ZC3H14: variants seen among roughly 807,000 people sequenced by gnomAD.
The protein encoded by ZC3H14 is zinc finger CCCH-type containing 14, also known as zinc finger CCCH domain-containing protein 14.
Under a neutral mutation model 92.4 loss-of-function variants are expected in ZC3H14, and 31 were observed. The ratio of observed to expected loss-of-function variants is 0.34; its 90% confidence interval spans 0.25 to 0.45. ZC3H14 has a LOEUF of 0.45. Among genes scored for constraint, ZC3H14 ranks in the 20% least tolerant of loss-of-function variants. The probability of loss-of-function intolerance (pLI) is 1.00; values close to 1 mark genes in which losing one functional copy is unlikely to be tolerated. For synonymous variants in ZC3H14, 321 were observed against 300.9 expected (o/e 1.07, Z -0.69); for missense variants, 781 against 897.3 (o/e 0.87, Z 1.66).
At position 88,626,814 on chromosome 14, in the gene ZC3H14, C is replaced by G; in HGVS notation, c.*15063C>G. 1 of 1,611,508 alleles carries G rather than the reference C, an allele frequency of 6.2e-7. No homozygotes were observed. The highest frequency in any genetic ancestry group is 1.1e-5 in the South Asian group (1 of 90,950). On this transcript the variant is annotated 3_prime_UTR_variant, in exon 17 of 17. Coordinates refer to ENST00000251038, the MANE Select transcript of ZC3H14 (RefSeq NM_024824.5). ...AGAATGTAAAGTAGTCAAAGTCACACTATGTGCATTTTAAGAGACATACTG... is the reference window on the plus strand; with the variant it reads ...AGAATGTAAAGTAGTCAAAGTCACAGTATGTGCATTTTAAGAGACATACTG...
intron 12 of ZC3H14, among the ~76,000 whole-genome samples, chr14:88,603,982 G>A (rs1165210750): frequency 1.3e-5 from 2 of 152,170 alleles, no homozygotes; most frequent in African/African-American, 4.8e-5. Flanking sequence ...TCGTGGTTTT[G>A]ATTAGTGGAG....
At chr14:88,577,638 C>T (rs1173681170) in intron 8 of ZC3H14, among the ~76,000 whole-genome samples, 4 of 151,884 alleles carry the variant, frequency 2.6e-5, no homozygotes, top group Admixed American at 6.6e-5. Flanking sequence ...GGTGCAATCT[C>T]GGCTCACTGC....
chr14:88,614,599 T>G lies in ZC3H14; in HGVS notation c.*2848T>G, dbSNP rs1418100281. On this transcript the variant is annotated 3_prime_UTR_variant, in exon 17 of 17. Transcript: ENST00000251038. ...TAGGGTCAATACAGCATCTTAAACC[T>G]CACACTTAGAAAAATATATTTTTAA... is the stretch of plus-strand genomic sequence containing the variant. 1 of 152,154 alleles carries G rather than the reference T, an allele frequency of 6.6e-6. No homozygotes were observed. Among genetic ancestry groups the G allele is most frequent in the Non-Finnish European group, 1.5e-5 (1 of 68,028 alleles). 9.4% of individuals were successfully genotyped at this position (152,154 alleles called of 1,614,324 possible). A position where few individuals can be genotyped will look rare whatever the true frequency, so the allele number is the denominator to read the frequency against.
At chr14:88,579,372 A>T (rs544007547) in intron 9 of ZC3H14, among the ~76,000 whole-genome samples, 402 of 152,252 alleles carry the variant, frequency 2.6e-3, no homozygotes, top group Non-Finnish European at 4.4e-3. Context: ...CAATTGGAAA[A>T]TGTGAATGGG....
chr14:88,601,809 T>C, intron 10 of ZC3H14, 115 bp from the exon 11 acceptor site: 2 of 1,283,936 alleles, frequency 1.6e-6, no homozygotes, highest in South Asian at 2.7e-5. Context: ...CAGTTGTGAT[T>C]TTCCTTTGAA....
intron 9 of ZC3H14, chr14:88,590,332 C>T (rs1334107542): frequency 6.6e-6 from 1 of 152,572 alleles, no homozygotes; most frequent in Non-Finnish European, 1.5e-5. Flanking sequence ...GGCTCCCTGT[C>T]ACACTGTAAG....
In ZC3H14 at chr14:88,580,163, G is replaced by A. The variant is rs542049964; in HGVS notation, c.1279+2023G>A. On this transcript the variant is annotated intron_variant, in intron 9 of 16. Transcript: ENST00000251038. ...GATTGCTGGAGCCCAGGAGGCTGAG[G>A]TTGCAGTGAGCCACGATCATACCAT... 2.6e-5 allele frequency among the ~76,000 whole-genome samples: 4 copies of A among 151,628 alleles called. No individual in the cohort carries two copies. The East Asian group carries it at 7.8e-4, about 30-fold the overall frequency.
chr14:88,597,650 C>A (rs1229180686), intron 10 of ZC3H14, among the ~76,000 whole-genome samples: 1 of 152,212 alleles, frequency 6.6e-6, no homozygotes, highest in Admixed American at 6.5e-5. Flanking sequence ...TCACCCACTC[C>A]TCCAACTTCA....
chr14:88,590,506 C>A (rs987393725), intron 9 of ZC3H14: 2 of 152,262 alleles, frequency 1.3e-5, no homozygotes, highest in African/African-American at 4.8e-5. Flanking sequence ...TTTGGATGTT[C>A]TCATATCTCA....
chr14:88,567,396 T>C (rs1442355972), intron 2 of ZC3H14, among the ~76,000 whole-genome samples: 1 of 150,790 alleles, frequency 6.6e-6, no homozygotes, highest in Non-Finnish European at 1.5e-5. Flanking sequence ...ATTACAGGCA[T>C]GAGCCACCGC....
intron 9 of ZC3H14, among the ~76,000 whole-genome samples, chr14:88,593,108 CAG>C (rs1002814937): frequency 6.6e-6 from 1 of 151,902 alleles, no homozygotes; most frequent in Non-Finnish European, 1.5e-5. Context: ...GCTGGGATAA[CAG>C]GCGTGCGCCA....
chr14:88,574,783 G>C lies in ZC3H14; in HGVS notation c.952G>C (p.Asp318His). Reference sequence around the variant, plus strand: ...TCATGATGGAGAAGAGGAGGAAGAAGATGATGATTACGGGTCTCGAACAGG... The same window carrying C: ...TCATGATGGAGAAGAGGAGGAAGAACATGATGATTACGGGTCTCGAACAGG... The part of the protein sequence containing the change: ...FNHDGEEEEE[D>H]DDYGSRTGSI... The change falls in exon 7 of 17, where the codon GAT becomes CAT. Residue 318 changes from aspartate to histidine, a missense_variant. By Grantham distance (81) the Asp-to-His change is moderately conservative. Transcript: ENST00000251038. The C allele has an allele frequency of 1.2e-6, 2 of 1,614,188 alleles. No homozygotes were observed. The highest frequency in any genetic ancestry group is 8.5e-7 in the Non-Finnish European group (1 of 1,180,018).
intron 9 of ZC3H14, among the ~76,000 whole-genome samples, chr14:88,595,495 C>T (rs902908207): frequency 1.3e-5 from 2 of 152,170 alleles, no homozygotes; most frequent in African/African-American, 4.8e-5. Context: ...AGCATTCTTC[C>T]TGTAACTTTT....
chr14:88,576,532 C>A (rs201612763), intron 8 of ZC3H14, among the ~76,000 whole-genome samples: 14 of 152,192 alleles, frequency 9.2e-5, no homozygotes, highest in Non-Finnish European at 1.5e-4. Flanking sequence ...GCTGGTCTTA[C>A]GGAAAGCTGA....
chr14:88,563,185 G>C lies in ZC3H14; in HGVS notation c.36+16G>C, dbSNP rs780841011. On this transcript the variant is annotated intron_variant, in intron 1 of 16. Coordinates refer to ENST00000251038, the MANE Select transcript of ZC3H14 (RefSeq NM_024824.5). ...CAAGATCCGGGTGAGGCCCGTGCCGGTCGGGGGTGGGAAGCCAGGTCTCGG... is the reference window on the plus strand; with the variant it reads ...CAAGATCCGGGTGAGGCCCGTGCCGCTCGGGGGTGGGAAGCCAGGTCTCGG... The C allele has an allele frequency of 6.2e-7, 1 of 1,603,014 alleles. No individual in the cohort carries two copies. Among genetic ancestry groups the C allele is most frequent in the South Asian group, 1.1e-5 (1 of 89,564 alleles).
chr14:88,582,259 G>C (rs2081995327), intron 9 of ZC3H14, among the ~76,000 whole-genome samples: 1 of 152,166 alleles, frequency 6.6e-6, no homozygotes, highest in African/African-American at 2.4e-5. Flanking sequence ...CAGAACTTTT[G>C]TCTTGCCAAA....
Position 88,618,439 on chromosome 14 carries a change from A to G in ZC3H14, c.*6688A>G, listed in dbSNP as rs936133135. On this transcript the variant is annotated 3_prime_UTR_variant, in exon 17 of 17. Coordinates refer to ENST00000251038, the MANE Select transcript of ZC3H14 (RefSeq NM_024824.5). ...TTGCTACTTGATTTACATGTCTAAC[A>G]TTATTAAGTATGCAAAAGATCACTA... is the stretch of plus-strand genomic sequence containing the variant. 5 of 1,128,440 alleles carry G rather than the reference A, an allele frequency of 4.4e-6. No homozygotes were observed. Among genetic ancestry groups the G allele is most frequent in the Non-Finnish European group, 6.4e-6 (5 of 779,006 alleles). 69.9% of individuals were successfully genotyped at this position (1,128,440 alleles called of 1,614,324 possible).
chr14:88,622,704 C>T lies in ZC3H14; in HGVS notation c.*10953C>T, dbSNP rs368112776. On this transcript the variant is annotated 3_prime_UTR_variant, in exon 17 of 17. Coordinates refer to ENST00000251038, the MANE Select transcript of ZC3H14 (RefSeq NM_024824.5). ...TTCCTGATCCCACAGTTTAACCGCT[C>T]CTCCTTCTTTTGACCTAAGTAAATA... 2.8e-4 allele frequency: 455 copies of T among 1,606,816 alleles called. 7 individuals carry two copies. The South Asian group carries it at 4.2e-3, about 15-fold the overall frequency.
intron 9 of ZC3H14, chr14:88,589,108 C>T (rs559182608): frequency 1.3e-5 from 2 of 151,908 alleles, no homozygotes; most frequent in African/African-American, 4.8e-5. Context: ...TCAAAAACAT[C>T]TGCAGATAGT....
Sources: allele counts gnomAD v4.1 joint callset (sites outside exome capture counted in the v4.1 genomes callset), GRCh38; gene constraint gnomAD v4.1.1; transcripts MANE v1.5; gene names NCBI Gene and HGNC (gene_info 2026-07-23, HGNC 2026-07-21).